The following PCDHGA1 variants were observed in gnomAD, a reference collection of about 807,000 sequenced individuals.
PCDHGA1 encodes protocadherin gamma subfamily A, 1, also known as protocadherin gamma-A1.
Under a neutral mutation model 58.0 loss-of-function variants are expected in PCDHGA1, and 32 were observed. The ratio of observed to expected loss-of-function variants is 0.55; its 90% confidence interval spans 0.42 to 0.74. The LOEUF (loss-of-function observed/expected upper bound fraction) is 0.74, where lower values mean the gene tolerates loss of function less well. PCDHGA1 is among the 30% of genes least tolerant of loss of function. PCDHGA1 has a pLI of 0.00. For missense variants in PCDHGA1, 1,205 were observed against 1,182.3 expected (o/e 1.02, Z -0.28); for synonymous variants, 498 against 501.1 (o/e 0.99, Z 0.08).
chr5:141,458,386 G>T (rs1037969327), intron 1 of PCDHGA1, among the ~76,000 whole-genome samples: 2 of 152,070 alleles, frequency 1.3e-5, no homozygotes, highest in African/African-American at 2.4e-5. Flanking sequence ...GAAGGAAGAC[G>T]CTCCCCCTTG....
At chr5:141,419,457 A>AGGCCCGCGACCAGGGCT in intron 1 of PCDHGA1, 2 of 1,612,728 alleles carry the variant, frequency 1.2e-6, no homozygotes, top group Non-Finnish European at 1.7e-6. Context: ...CTCACGCTGC[A>AGGCCCGCGACCAGGGCT]GGCCCGCGAC....
chr5:141,340,674 C>T (rs142481120), intron 1 of PCDHGA1: 21 of 1,614,116 alleles, frequency 1.3e-5, no homozygotes. Context: ...CCTGCCTTCC[C>T]CACAGACGGT....
chr5:141,503,214 T>C (rs994291483), intron 2 of PCDHGA1, among the ~76,000 whole-genome samples: 7 of 152,096 alleles, frequency 4.6e-5, no homozygotes, highest in African/African-American at 1.7e-4. Flanking sequence ...GTGCCCACCA[T>C]GAGCACCGTA....
chr5:141,365,179 TGAA>T (rs1323798128), intron 1 of PCDHGA1: 22 of 1,613,762 alleles, frequency 1.4e-5, no homozygotes, highest in Non-Finnish European at 1.9e-5. Context: ...CTTTTCGCAA[TGAA>T]GAAGAAAAAA....
At chr5:141,409,639 G>T (rs948112966) in intron 1 of PCDHGA1, 2 of 1,613,760 alleles carry the variant, frequency 1.2e-6, no homozygotes, top group African/African-American at 1.3e-5. Flanking sequence ...CCTCTGACCC[G>T]GATTTGGGGC....
In PCDHGA1 at chr5:141,490,949, A is replaced by G. The variant is rs2074912; in HGVS notation, c.2422-3858A>G. On this transcript the variant is annotated intron_variant, in intron 1 of 3. Coordinates refer to ENST00000517417, the MANE Select transcript of PCDHGA1 (RefSeq NM_018912.3). The surrounding 1 kb of genome is among the most constrained non-coding windows in gnomAD (Gnocchi z 5.4). ...CCAGCTGTGCTGCACCCACGGCCAG[A>G]CTGGGAACACTCAGCCCCCCAGCGT... 0.21 allele frequency: 331,850 copies of G among 1,613,352 alleles called. 36,311 individuals carry two copies. The highest frequency in any genetic ancestry group is 0.37 in the Admixed American group (22,349 of 59,972).
intron 2 of PCDHGA1, among the ~76,000 whole-genome samples, chr5:141,503,598 C>CAA (rs765754054): frequency 1.5e-4 from 10 of 65,698 alleles, no homozygotes; most frequent in African/African-American, 2.3e-4. Context: ...GACTCCAGCT[C>CAA]AAAAAAAAAA....
At chr5:141,352,216 C>T (rs200739845) in intron 1 of PCDHGA1, 307 of 1,613,584 alleles carry the variant, frequency 1.9e-4, no homozygotes, top group East Asian at 2.9e-4. Flanking sequence ...CACTCTCCGC[C>T]ACCGCCACGC....
At chr5:141,465,488 G>A (rs2099104080) in intron 1 of PCDHGA1, among the ~76,000 whole-genome samples, 1 of 152,224 alleles carries the variant, frequency 6.6e-6, no homozygotes. Flanking sequence ...AGAGGAATGA[G>A]CGGGAGCATT....
chr5:141,408,903 A>C, intron 1 of PCDHGA1: 1 of 1,613,512 alleles, frequency 6.2e-7, no homozygotes, highest in Non-Finnish European at 8.5e-7. Context: ...TCTGTCAAGG[A>C]TACCAATGAT....
chr5:141,479,631 A>G (rs191955216), intron 1 of PCDHGA1: 1 of 152,282 alleles, frequency 6.6e-6, no homozygotes, highest in Non-Finnish European at 1.5e-5. Context: ...TCTCTTTAAC[A>G]ATAACAACAA....
In PCDHGA1 at chr5:141,485,778, G is replaced by A. The variant is rs575586552; in HGVS notation, c.2422-9029G>A. On this transcript the variant is annotated intron_variant, in intron 1 of 3. Coordinates refer to ENST00000517417, the MANE Select transcript of PCDHGA1 (RefSeq NM_018912.3). The surrounding 1 kb of genome is among the most constrained non-coding windows in gnomAD (Gnocchi z 5.7). ...CTGCTCCTGGAGAAGCCTTTGGATC[G>A]AGAGAAGCAATCGGACTACCGCCTG... is the stretch of plus-strand genomic sequence containing the variant. The A allele has an allele frequency of 1.2e-6, 2 of 1,614,216 alleles. No individual in the cohort carries two copies. Among genetic ancestry groups the A allele is most frequent in the Admixed American group, 1.7e-5 (1 of 60,028 alleles).
chr5:141,371,113 C>A lies in PCDHGA1; in HGVS notation c.2421+38008C>A. The A allele has an allele frequency of 6.2e-7, 1 of 1,613,950 alleles. No homozygotes were observed. Among genetic ancestry groups the A allele is most frequent in the Non-Finnish European group, 8.5e-7 (1 of 1,179,846 alleles). ...GTCGCAGATGCAAATGATAACCCCC[C>A]AGTATTTACTCAGGACATGTACAGG... On this transcript the variant is annotated intron_variant, in intron 1 of 3. Coordinates refer to ENST00000517417, the MANE Select transcript of PCDHGA1 (RefSeq NM_018912.3).
intron 1 of PCDHGA1, chr5:141,423,091 G>A (rs1243671863): frequency 6.2e-7 from 1 of 1,613,908 alleles, no homozygotes; most frequent in Non-Finnish European, 8.5e-7. Flanking sequence ...CGCGGTGGGG[G>A]AGCACACGGG....
At chr5:141,452,227 T>C (rs2098736376) in intron 1 of PCDHGA1, among the ~76,000 whole-genome samples, 1 of 152,232 alleles carries the variant, frequency 6.6e-6, no homozygotes, top group African/African-American at 2.4e-5. Context: ...CTCTTCAAGC[T>C]GGTTCTTGTG....
At chr5:141,372,512 G>A (rs1343689121) in intron 1 of PCDHGA1, 1 of 1,614,024 alleles carries the variant, frequency 6.2e-7, no homozygotes, top group East Asian at 2.2e-5. Flanking sequence ...TCCTCCTCGC[G>A]GTGATTCTGG....
rs549955923 is a variant in PCDHGA1, at chr5:141,409,897, A to G, written c.2421+76792A>G. 8.7e-6 allele frequency: 14 copies of G among 1,613,204 alleles called. No individual in the cohort carries two copies. The South Asian group carries it at 1.3e-4, about 15-fold the overall frequency. On this transcript the variant is annotated intron_variant, in intron 1 of 3. Coordinates refer to ENST00000517417, the MANE Select transcript of PCDHGA1 (RefSeq NM_018912.3). ...ACAACGCACCGCGGGTGCTGTACCC[A>G]GCTCTGGGTCCTGACGGCTCCGCGT...
intron 2 of PCDHGA1, among the ~76,000 whole-genome samples, chr5:141,498,971 G>GGAA (rs2099787559): frequency 9.0e-6 from 1 of 110,972 alleles, no homozygotes; most frequent in African/African-American, 3.6e-5. Flanking sequence ...GAGGGAGGGA[G>GGAA]GGAAGGAAGG....
intron 1 of PCDHGA1, among the ~76,000 whole-genome samples, chr5:141,458,298 A>G (rs2098942125): frequency 6.6e-6 from 1 of 152,178 alleles, no homozygotes; most frequent in African/African-American, 2.4e-5. Context: ...ATGCTGGTTT[A>G]GATAAAATGA....
Sources: allele counts gnomAD v4.1 joint callset (sites outside exome capture counted in the v4.1 genomes callset), GRCh38; gene constraint gnomAD v4.1.1; non-coding constraint Gnocchi (gnomAD v3.1); transcripts MANE v1.5; gene names NCBI Gene and HGNC (gene_info 2026-07-23, HGNC 2026-07-21).